SFI1: variants seen among roughly 807,000 people sequenced by gnomAD.
SFI1 encodes the protein protein SFI1 homolog.
A neutral mutation model predicts 207.5 loss-of-function variants in SFI1; 195 were observed. That is an observed-to-expected ratio of 0.94 (90% CI 0.84 to 1.06). The LOEUF (loss-of-function observed/expected upper bound fraction) is 1.06, where lower values mean the gene tolerates loss of function less well. Among genes scored for constraint, SFI1 ranks in the 50% least tolerant of loss-of-function variants. The probability of loss-of-function intolerance (pLI) is 0.00; values close to 1 mark genes in which losing one functional copy is unlikely to be tolerated. For synonymous variants in SFI1, 630 were observed against 598.9 expected (o/e 1.05, Z -0.76); for missense variants, 1,634 against 1,588.0 (o/e 1.03, Z -0.49).
At position 31,499,761 on chromosome 22, in the gene SFI1, G is replaced by T. The variant is rs1450612967; in HGVS notation, c.-31+3124G>T. 2.0e-5 allele frequency among the ~76,000 whole-genome samples: 3 copies of T among 151,940 alleles called. No homozygotes were observed. The East Asian group carries it at 5.8e-4, about 29-fold the overall frequency. ...CATAGCACTTTGGGAGGCTGAGGCGGGCGGATTACCTGAGGTCAGGAGTTC... is the reference window on the plus strand; with the variant it reads ...CATAGCACTTTGGGAGGCTGAGGCGTGCGGATTACCTGAGGTCAGGAGTTC... On this transcript the variant is annotated intron_variant, in intron 1 of 32. Transcript: ENST00000400288.
chr22:31,579,319 A>ATT (rs1199595157), intron 11 of SFI1, among the ~76,000 whole-genome samples: 10 of 143,658 alleles, frequency 7.0e-5, no homozygotes, highest in African/African-American at 7.7e-5. Flanking sequence ...AATTTTTTAG[A>ATT]TTTTTTTTTT....
intron 1 of SFI1, among the ~76,000 whole-genome samples, chr22:31,507,882 C>A (rs907701067): frequency 6.6e-6 from 1 of 152,046 alleles, no homozygotes; most frequent in Non-Finnish European, 1.5e-5. Context: ...TGAGACCAGC[C>A]TGGCCAACAT....
At chr22:31,617,738 C>T (rs944491459) in intron 31 of SFI1, among the ~76,000 whole-genome samples, 6 of 151,054 alleles carry the variant, frequency 4.0e-5, no homozygotes, top group Non-Finnish European at 8.9e-5. Flanking sequence ...AAAAAAAATG[C>T]AGAGGAGACA....
chr22:31,602,325 G>A (rs975455129), intron 16 of SFI1, 32 bp downstream of exon 16: 7 of 1,596,942 alleles, frequency 4.4e-6, no homozygotes, highest in African/African-American at 1.3e-5. Flanking sequence ...GATGTGTGGA[G>A]GGGCAGGATC....
In SFI1 at chr22:31,542,120, AG is replaced by A. The variant is rs1292929863; in HGVS notation, c.339-4740del. On this transcript the variant is annotated intron_variant, in intron 4 of 32. Coordinates refer to ENST00000400288, the MANE Select transcript of SFI1 (RefSeq NM_001007467.3). ...CGTCTTTAAAAAAAAAAAAAAAAAA[AG>A]AAATGTACAGTTTAGGAGCCAGTCT... Among the ~76,000 whole-genome samples the A allele has an allele frequency of 6.6e-3, 979 of 147,898 alleles. 14 individuals carry two copies. The highest frequency in any genetic ancestry group is 0.023 in the African/African-American group (928 of 39,614).
At chr22:31,582,522 G>T (rs1434669882) in intron 12 of SFI1, among the ~76,000 whole-genome samples, 1 of 151,554 alleles carries the variant, frequency 6.6e-6, no homozygotes, top group Non-Finnish European at 1.5e-5. Flanking sequence ...AAAGTGTTGG[G>T]ATTACAGGCG....
rs1008641603 is a variant in SFI1, at chr22:31,528,601, G to A, written c.93-89G>A. ...ATTGTCAGTCTCAATGAGCTTATCT[G>A]TTTAATTTTGCTTGTATATTAAAAG... is the stretch of plus-strand genomic sequence containing the variant. On this transcript the variant is annotated intron_variant, in intron 2 of 32. Transcript: ENST00000400288. 15 of 1,194,102 alleles carry A rather than the reference G, an allele frequency of 1.3e-5. No individual in the cohort carries two copies. In the African/African-American group the frequency reaches 1.7e-4, roughly 13 times the overall value. 74.0% of individuals were successfully genotyped at this position (1,194,102 alleles called of 1,614,324 possible).
intron 8 of SFI1, among the ~76,000 whole-genome samples, chr22:31,564,816 T>G (rs2062100552): frequency 7.3e-6 from 1 of 136,434 alleles, no homozygotes; most frequent in Non-Finnish European, 1.6e-5. Context: ...GGCCCAGAAT[T>G]TTTTTTTTTT....
chr22:31,543,634 A>G (rs1350277469), intron 4 of SFI1, among the ~76,000 whole-genome samples: 2 of 151,570 alleles, frequency 1.3e-5, no homozygotes, highest in African/African-American at 2.4e-5. Flanking sequence ...TCGTGGCAAA[A>G]CCCCATCTTT....
intron 27 of SFI1, chr22:31,614,524 CT>C: frequency 1.5e-6 from 1 of 657,200 alleles, no homozygotes; most frequent in Admixed American, 2.1e-5. Context: ...GACATGGACC[CT>C]GGCGACCTGT....
chr22:31,510,279 C>A (rs1202489156), intron 2 of SFI1, among the ~76,000 whole-genome samples: 5 of 152,018 alleles, frequency 3.3e-5, no homozygotes, highest in African/African-American at 4.8e-5. Context: ...AGTGCAGTTT[C>A]TAACTCCTGG....
intron 15 of SFI1, among the ~76,000 whole-genome samples, chr22:31,601,737 TC>T (rs2068126552): frequency 6.6e-6 from 1 of 152,172 alleles, no homozygotes; most frequent in Admixed American, 6.5e-5. Context: ...TTTTTGGCTG[TC>T]TGCTTTCCTT....
At chr22:31,614,975 C>T (rs1244548884) in intron 28 of SFI1, 73 bp from the exon 29 acceptor site, 13 of 1,576,880 alleles carry the variant, frequency 8.2e-6, no homozygotes, top group Non-Finnish European at 9.5e-6. Context: ...GGGTGGCCCC[C>T]TTTCCTTCTT....
At chr22:31,610,879 C>T (rs1435269395) in intron 22 of SFI1, among the ~76,000 whole-genome samples, 2 of 152,218 alleles carry the variant, frequency 1.3e-5, no homozygotes, top group African/African-American at 4.8e-5. Context: ...AGGCTGTGGA[C>T]AGGCTTGTGG....
intron 20 of SFI1, 140 bp from the exon 21 acceptor site, chr22:31,606,188 T>C: frequency 1.4e-6 from 1 of 713,302 alleles, no homozygotes; most frequent in Non-Finnish European, 2.4e-6. Flanking sequence ...CAAGTAAACA[T>C]AGGTGTTGGT....
intron 15 of SFI1, among the ~76,000 whole-genome samples, chr22:31,598,789 CTTTTTTTTTTT>C (rs1203871840): frequency 3.1e-5 from 2 of 64,412 alleles, no homozygotes; most frequent in Admixed American, 1.9e-4. Flanking sequence ...TCCAGTTTAT[CTTTTTTTTTTT>C]TTTTTTTTTT....
At chr22:31,591,636 CCGGG>C (rs1055587702) in intron 15 of SFI1, among the ~76,000 whole-genome samples, 1 of 108,348 alleles carries the variant, frequency 9.2e-6, no homozygotes, top group Admixed American at 8.5e-5. Context: ...GGGCGGCTGG[CCGGG>C]CGGGGGGCTG....
chr22:31,582,651 G>A (rs970918713), intron 12 of SFI1, among the ~76,000 whole-genome samples: 2 of 152,174 alleles, frequency 1.3e-5, no homozygotes, highest in South Asian at 4.1e-4. Context: ...TCCACATTGT[G>A]CAATCATCAT....
At chr22:31,513,017 C>T (rs1462689686) in intron 2 of SFI1, among the ~76,000 whole-genome samples, 1 of 152,074 alleles carries the variant, frequency 6.6e-6, no homozygotes, top group Non-Finnish European at 1.5e-5. Flanking sequence ...GATAGGGTTT[C>T]ACCATGTTGG....
Sources: allele counts gnomAD v4.1 joint callset (sites outside exome capture counted in the v4.1 genomes callset), GRCh38; gene constraint gnomAD v4.1.1; transcripts MANE v1.5; gene names NCBI Gene and HGNC (gene_info 2026-07-23, HGNC 2026-07-21).